MYB: variants seen among roughly 807,000 people sequenced by gnomAD.
The protein encoded by MYB is transcriptional activator Myb.
Under a neutral mutation model 92.9 loss-of-function variants are expected in MYB, and 28 were observed. That is an observed-to-expected ratio of 0.30 (90% CI 0.22 to 0.41). MYB has a LOEUF of 0.41. Ranked by LOEUF, MYB falls within the 10% of genes least tolerant of loss-of-function variation. MYB has a pLI of 1.00. For missense variants in MYB, 679 were observed against 929.3 expected (o/e 0.73, Z 3.50); for synonymous variants, 295 against 329.1 (o/e 0.90, Z 1.12).
chr6:135,188,056 A>G (rs1776150599), intron 3 of MYB, 151 bp downstream of exon 3: 1 of 365,572 alleles, frequency 2.7e-6, no homozygotes. Context: ...ATTTTATATT[A>G]TAATGCATAT....
chr6:135,197,320 G>C lies in MYB; in HGVS notation c.1563G>C (p.Ser521=). The C allele has an allele frequency of 6.2e-7, 1 of 1,602,472 alleles. No individual in the cohort carries two copies. The highest frequency in any genetic ancestry group is 8.5e-7 in the Non-Finnish European group (1 of 1,173,096). ...TCAAAAGCCTACCCTTCTCTCCCTCGCAGGTAGAACACAATTTCTGCACAG... is the reference window on the plus strand; with the variant it reads ...TCAAAAGCCTACCCTTCTCTCCCTCCCAGGTAGAACACAATTTCTGCACAG... ...SPVKSLPFSP[S]QFLNTSSNHE... is the part of the protein sequence containing the mutation. The change falls in exon 10 of 16, where the codon TCG becomes TCC. Residue 521 remains serine, a synonymous_variant. Coordinates refer to ENST00000341911, the MANE Select transcript of MYB (RefSeq NM_001130173.2).
At chr6:135,203,390 G>A (rs934366898) in intron 15 of MYB, 66 bp downstream of exon 15, 13 of 1,248,048 alleles carry the variant, frequency 1.0e-5, no homozygotes, top group Non-Finnish European at 1.4e-5. Context: ...CTTTGGTGGT[G>A]GTGGTGGTGG....
At position 135,182,461 on chromosome 6, in the gene MYB, G is replaced by C. The variant is rs535404760; in HGVS notation, c.23+925G>C. Among the ~76,000 whole-genome samples, 35 of 152,312 alleles carry C rather than the reference G, an allele frequency of 2.3e-4. 1 individual carries two copies. In the South Asian group the frequency reaches 4.3e-3, roughly 19 times the overall value. Reference sequence around the variant, plus strand: ...TCGCAGTCGCCACTCGGCTCAAGGGGACAGAGGCCGGCAGCACCCAAGGCC... The same window carrying C: ...TCGCAGTCGCCACTCGGCTCAAGGGCACAGAGGCCGGCAGCACCCAAGGCC... On this transcript the variant is annotated intron_variant, in intron 1 of 15. Transcript: ENST00000341911. The surrounding 1 kb of genome is among the most constrained non-coding windows in gnomAD (Gnocchi z 5.6).
intron 2 of MYB, among the ~76,000 whole-genome samples, chr6:135,186,821 T>A (rs1246719146): frequency 6.6e-6 from 1 of 152,204 alleles, no homozygotes; most frequent in African/African-American, 2.4e-5. Flanking sequence ...TGGAGAAAAG[T>A]TTCTCTAATG....
intron 3 of MYB, 37 bp from the exon 4 acceptor site, chr6:135,189,754 T>C (rs747490189): frequency 6.4e-7 from 1 of 1,558,222 alleles, no homozygotes; most frequent in Non-Finnish European, 8.8e-7. Context: ...GCTTATCACA[T>C]CATATCTTTA....
chr6:135,185,183 C>G (rs896001373), intron 1 of MYB, among the ~76,000 whole-genome samples: 11 of 152,188 alleles, frequency 7.2e-5, no homozygotes, highest in Non-Finnish European at 1.3e-4. Context: ...TAATTATTCA[C>G]TTAGTTACTC....
chr6:135,205,925 G>T (rs1373636939), intron 15 of MYB, among the ~76,000 whole-genome samples: 1 of 152,156 alleles, frequency 6.6e-6, no homozygotes, highest in Non-Finnish European at 1.5e-5. Flanking sequence ...AATTAGCTGG[G>T]CTGGGCGTGG....
intron 3 of MYB, among the ~76,000 whole-genome samples, chr6:135,189,571 C>T (rs888227518): frequency 1.3e-5 from 2 of 152,238 alleles, no homozygotes; most frequent in East Asian, 1.9e-4. Context: ...GGAATGTTTC[C>T]CTCAGGAGGC....
At chr6:135,208,081 A>ATT (rs34723585) in intron 15 of MYB, among the ~76,000 whole-genome samples, 5,744 of 135,444 alleles carry the variant, frequency 0.042, 466 homozygotes, top group African/African-American at 0.14. Context: ...TTTTTTTTTA[A>ATT]TTTTTTTTTT....
rs1431955615 is a variant in MYB, at chr6:135,210,130, C to T, written c.2169+6806C>T. On this transcript the variant is annotated intron_variant, in intron 15 of 15. Transcript: ENST00000341911. ...TCCATTTCCTTTGTTTTGAAAAAAG[C>T]ACATTATGCTAATCAACTTTCCTTA... 3.3e-5 allele frequency among the ~76,000 whole-genome samples: 5 copies of T among 152,340 alleles called. No individual in the cohort carries two copies. In the East Asian group the frequency reaches 5.8e-4, roughly 18 times the overall value.
Position 135,182,865 on chromosome 6 carries a change from C to G in MYB, c.23+1329C>G, listed in dbSNP as rs1775287695. 6.6e-6 allele frequency among the ~76,000 whole-genome samples: 1 copy of G among 152,074 alleles called. No homozygotes were observed. The highest frequency in any genetic ancestry group is 2.1e-4 in the South Asian group (1 of 4,832). ...AGCAGCGCCGGGGCTTGGTTGGGCT[C>G]TGGGGACGAGAGGGCGACTTGGGGG... On this transcript the variant is annotated intron_variant, in intron 1 of 15. Transcript: ENST00000341911. The surrounding 1 kb of genome is among the most constrained non-coding windows in gnomAD (Gnocchi z 5.6).
chr6:135,200,056 T>C (rs764752865), intron 11 of MYB, 29 bp from the exon 12 acceptor site: 2 of 1,519,444 alleles, frequency 1.3e-6, no homozygotes, highest in East Asian at 2.3e-5. Flanking sequence ...TTCTTTTGTA[T>C]TGAGCCACTG....
Position 135,218,916 on chromosome 6 carries a change from T to G in MYB, c.*936T>G. On this transcript the variant is annotated 3_prime_UTR_variant, in exon 16 of 16. Transcript: ENST00000341911. ...ATGTGTGTTGTTGATGTTCTATGTTTTGTTTTGAGTGTAGCCTGACTGTTT... is the reference window on the plus strand; with the variant it reads ...ATGTGTGTTGTTGATGTTCTATGTTGTGTTTTGAGTGTAGCCTGACTGTTT... The G allele has an allele frequency of 4.4e-6, 1 of 229,288 alleles. No homozygotes were observed. The highest frequency in any genetic ancestry group is 8.7e-6 in the Non-Finnish European group (1 of 115,194). The allele number at this position is 229,288 out of a possible 1,614,324, so 14.2% of individuals were successfully genotyped here.
In MYB at chr6:135,201,725, G is replaced by A; in HGVS notation, c.2037G>A (p.Gln679=). ...GDSLNTQLFT[Q]TSPVADAPNI... Reference sequence around the variant, plus strand: ...GTCTGAATACCCAACTGTTCACGCAGACCTCGCCTGTGGCAGATGCACCGG... The same window carrying A: ...GTCTGAATACCCAACTGTTCACGCAAACCTCGCCTGTGGCAGATGCACCGG... The change falls in exon 14 of 16, where the codon CAG becomes CAA. Residue 679 remains glutamine, a synonymous_variant. Coordinates refer to ENST00000341911, the MANE Select transcript of MYB (RefSeq NM_001130173.2). The A allele has an allele frequency of 6.6e-7, 1 of 1,516,626 alleles. No homozygotes were observed. Among genetic ancestry groups the A allele is most frequent in the Non-Finnish European group, 8.9e-7 (1 of 1,122,746 alleles). The allele number at this position is 1,516,626 out of a possible 1,614,324, so 93.9% of individuals were successfully genotyped here.
At chr6:135,211,910 G>T (rs980068670) in intron 15 of MYB, among the ~76,000 whole-genome samples, 1 of 152,112 alleles carries the variant, frequency 6.6e-6, no homozygotes, top group African/African-American at 2.4e-5. Flanking sequence ...ATTTACTCTC[G>T]AGAAAAGTTT....
In MYB at chr6:135,181,405, G is replaced by C; in HGVS notation, c.-109G>C. On this transcript the variant is annotated 5_prime_UTR_variant, in exon 1 of 16. Transcript: ENST00000341911. The surrounding 1 kb of genome is among the most constrained non-coding windows in gnomAD (Gnocchi z 5.3). ...TGAGAAACTTCGCCCCAGCGGTGCGGAGCGCCGCTGCGCAGCCGGGGAGGG... is the reference window on the plus strand; with the variant it reads ...TGAGAAACTTCGCCCCAGCGGTGCGCAGCGCCGCTGCGCAGCCGGGGAGGG... 1 of 733,978 alleles carries C rather than the reference G, an allele frequency of 1.4e-6. No homozygotes were observed. Among genetic ancestry groups the C allele is most frequent in the Non-Finnish European group, 1.7e-6 (1 of 576,424 alleles). The allele number at this position is 733,978 out of a possible 1,614,324, so 45.5% of individuals were successfully genotyped here. A position where few individuals can be genotyped will look rare whatever the true frequency, so the allele number is the denominator to read the frequency against.
chr6:135,184,809 A>G (rs1490565148), intron 1 of MYB, among the ~76,000 whole-genome samples: 2 of 152,218 alleles, frequency 1.3e-5, no homozygotes, highest in East Asian at 1.9e-4. Flanking sequence ...TTGCAATGAC[A>G]AATTTTAGTG....
intron 15 of MYB, among the ~76,000 whole-genome samples, chr6:135,212,718 C>T: frequency 6.6e-6 from 1 of 152,146 alleles, no homozygotes; most frequent in South Asian, 2.1e-4. Context: ...GGGTTAGTAA[C>T]TTAACAAGAA....
intron 1 of MYB, among the ~76,000 whole-genome samples, chr6:135,185,447 G>A (rs1434784901): frequency 6.6e-6 from 1 of 152,080 alleles, no homozygotes; most frequent in Non-Finnish European, 1.5e-5. Flanking sequence ...AACCCCATTG[G>A]AATAGCATAG....
Sources: gnomAD v4.1 joint callset for allele counts (sites outside exome capture counted in the v4.1 genomes callset) on GRCh38, gnomAD v4.1.1 for gene constraint, Gnocchi (gnomAD v3.1) non-coding constraint, MANE v1.5 for transcripts, NCBI Gene and HGNC (gene_info 2026-07-23, HGNC 2026-07-21) for gene names.